The following TACC2 variants were observed in gnomAD, a reference collection of about 807,000 sequenced individuals.
The protein encoded by TACC2 is transforming acidic coiled-coil containing protein 2.
TACC2 carries 137 observed loss-of-function variants against 227.3 expected under a neutral mutation model. The ratio of observed to expected loss-of-function variants is 0.60; its 90% CI spans 0.52 to 0.69. The LOEUF (loss-of-function observed/expected upper bound fraction) is 0.69, where lower values mean the gene tolerates loss of function less well. Ranked by LOEUF, TACC2 falls within the 30% of genes least tolerant of loss-of-function variation. TACC2 has a pLI of 0.00. For missense variants in TACC2, 3,470 were observed against 3,694.4 expected (o/e 0.94, Z 1.57); for synonymous variants, 1,523 against 1,487.5 (o/e 1.02, Z -0.55).
In TACC2 at chr10:122,020,744, C is replaced by T. The variant is rs149666186; in HGVS notation, c.-45-1193C>T. ...AGTTCCCCCACTGGGTTAGACTGGT[C>T]ATCTCTACGGCTCCAGCTCTAAAAG... On this transcript the variant is annotated intron_variant, in intron 1 of 22. Coordinates refer to ENST00000369005, the MANE Select transcript of TACC2 (RefSeq NM_206862.4). 8.6e-4 allele frequency among the ~76,000 whole-genome samples: 131 copies of T among 152,292 alleles called. 2 individuals carry two copies. In the East Asian group the frequency reaches 0.02, roughly 23 times the overall value.
chr10:122,148,173 T>C (rs1183526871), intron 7 of TACC2, among the ~76,000 whole-genome samples: 2 of 151,400 alleles, frequency 1.3e-5, no homozygotes, highest in African/African-American at 4.9e-5. Flanking sequence ...GCGTGATCTC[T>C]TCTCACTGCA....
At chr10:122,182,940 A>G (rs1044294003) in intron 7 of TACC2, among the ~76,000 whole-genome samples, 1 of 152,064 alleles carries the variant, frequency 6.6e-6, no homozygotes, top group Admixed American at 6.5e-5. Flanking sequence ...TTCTAAGCTC[A>G]TATCTGTAAT....
At chr10:122,178,319 C>T (rs137885300) in intron 7 of TACC2, among the ~76,000 whole-genome samples, 1,650 of 151,448 alleles carry the variant, frequency 0.011, 36 homozygotes, top group African/African-American at 0.037. Flanking sequence ...TCACTGCAAC[C>T]TCCACCTCCC....
intron 16 of TACC2, among the ~76,000 whole-genome samples, chr10:122,230,965 AT>A (rs953200440): frequency 6.6e-6 from 1 of 152,256 alleles, no homozygotes; most frequent in African/African-American, 2.4e-5. Context: ...GGCTTAAGCA[AT>A]TCTTTCTGTA....
At chr10:122,038,124 G>A (rs956219928) in intron 2 of TACC2, among the ~76,000 whole-genome samples, 13 of 152,126 alleles carry the variant, frequency 8.5e-5, no homozygotes, top group Non-Finnish European at 1.9e-4. Context: ...GCAGGGTGTG[G>A]TGGTGTGCAC....
intron 7 of TACC2, among the ~76,000 whole-genome samples, chr10:122,151,829 G>A (rs1004978130): frequency 1.1e-4 from 16 of 152,180 alleles, no homozygotes; most frequent in Admixed American, 3.3e-4. Context: ...ATTCACCAAC[G>A]TTGATTGAGC....
At chr10:122,224,888 G>A in intron 12 of TACC2, 101 bp downstream of exon 12, 5 of 980,734 alleles carry the variant, frequency 5.1e-6, no homozygotes, top group South Asian at 1.4e-5. Context: ...ACCCCAAATC[G>A]AGTGTTTTCT....
intron 3 of TACC2, among the ~76,000 whole-genome samples, chr10:122,052,983 C>G (rs1565167497): frequency 1.3e-5 from 2 of 152,190 alleles, no homozygotes; most frequent in Non-Finnish European, 2.9e-5. Flanking sequence ...CATATGGGTT[C>G]CAGACACTAT....
At chr10:122,176,993 A>T (rs1436408222) in intron 7 of TACC2, among the ~76,000 whole-genome samples, 1 of 152,140 alleles carries the variant, frequency 6.6e-6, no homozygotes, top group African/African-American at 2.4e-5. Flanking sequence ...TGGTCTTGTT[A>T]TGCCCATAAA....
At chr10:122,168,309 T>G (rs1256784098) in intron 7 of TACC2, among the ~76,000 whole-genome samples, 1 of 152,194 alleles carries the variant, frequency 6.6e-6, no homozygotes, top group Non-Finnish European at 1.5e-5. Flanking sequence ...TCTGAGTTCC[T>G]GGACGGAGAT....
chr10:122,140,783 G>T (rs1245207546), intron 6 of TACC2, among the ~76,000 whole-genome samples: 1 of 152,224 alleles, frequency 6.6e-6, no homozygotes, highest in Non-Finnish European at 1.5e-5. Flanking sequence ...CTGGCTGCCG[G>T]CTGCCCCTAC....
intron 7 of TACC2, among the ~76,000 whole-genome samples, chr10:122,173,192 A>C (rs1366936986): frequency 5.3e-5 from 8 of 152,172 alleles, no homozygotes; most frequent in Admixed American, 6.5e-5. Context: ...AGACAACCCC[A>C]AAAAGTCCAA....
chr10:122,002,374 G>A (rs1040826598), intron 1 of TACC2, among the ~76,000 whole-genome samples: 3 of 152,088 alleles, frequency 2.0e-5, no homozygotes, highest in African/African-American at 4.8e-5. Flanking sequence ...GAGTTTGCTA[G>A]TATGTTTTTC....
intron 1 of TACC2, among the ~76,000 whole-genome samples, chr10:122,018,120 T>C (rs1956921243): frequency 6.6e-6 from 1 of 151,936 alleles, no homozygotes; most frequent in Non-Finnish European, 1.5e-5. Context: ...ACTTCCCGCT[T>C]CTCACCCCCA....
chr10:122,179,741 G>A (rs2093899908), intron 7 of TACC2, among the ~76,000 whole-genome samples: 2 of 152,124 alleles, frequency 1.3e-5, no homozygotes, highest in South Asian at 4.1e-4. Flanking sequence ...AGAAGTTTGA[G>A]ACCAGCCTGG....
chr10:122,098,098 C>A (rs534457683), intron 5 of TACC2, among the ~76,000 whole-genome samples: 2 of 152,210 alleles, frequency 1.3e-5, no homozygotes, highest in Middle Eastern at 3.4e-3. Context: ...TGTTGACTCC[C>A]AGCCCAGGGC....
intron 7 of TACC2, among the ~76,000 whole-genome samples, chr10:122,166,111 G>T (rs992305097): frequency 6.6e-6 from 1 of 152,208 alleles, no homozygotes; most frequent in Non-Finnish European, 1.5e-5. Flanking sequence ...CGTCAGGGCT[G>T]CAGGGATGGT....
At chr10:122,160,048 A>G (rs2092725097) in intron 7 of TACC2, among the ~76,000 whole-genome samples, 1 of 152,198 alleles carries the variant, frequency 6.6e-6, no homozygotes, top group Admixed American at 6.5e-5. Flanking sequence ...TTTTGGCTAC[A>G]GGGATTTGTC....
chr10:122,212,152 G>A (rs2095307986), intron 9 of TACC2, among the ~76,000 whole-genome samples: 1 of 152,184 alleles, frequency 6.6e-6, no homozygotes, highest in African/African-American at 2.4e-5. Flanking sequence ...CTATTAATGA[G>A]ACATTAGCCC....
Sources: gnomAD v4.1 joint callset for allele counts (sites outside exome capture counted in the v4.1 genomes callset) on GRCh38, gnomAD v4.1.1 for gene constraint, MANE v1.5 for transcripts, NCBI Gene and HGNC (gene_info 2026-07-23, HGNC 2026-07-21) for gene names.